The following PLD5 variants were observed in gnomAD, a reference collection of about 807,000 sequenced individuals.
The protein encoded by PLD5 is inactive phospholipase D5.
Under a neutral mutation model 61.1 loss-of-function variants are expected in PLD5, and 36 were observed. That is an observed-to-expected ratio of 0.59 (90% confidence interval 0.45 to 0.78). The LOEUF is 0.78. Among genes scored for constraint, PLD5 ranks in the 30% least tolerant of loss-of-function variants. The pLI is 0.00. For synonymous variants in PLD5, 243 were observed against 242.8 expected, an observed-to-expected ratio of 1.00 and a Z score of -0.01; for missense variants, 515 against 644.4, an observed-to-expected ratio of 0.80 and a Z score of 2.17.
At chr1:242,103,584 A>AG (rs1274461070) in intron 8 of PLD5, among the ~76,000 whole-genome samples, 1 of 152,166 alleles carries the variant, frequency 6.6e-6, no homozygotes, top group Non-Finnish European at 1.5e-5. Flanking sequence ...GTCTGTGAAA[A>AG]GGTATTGAAC....
chr1:242,176,184 T>A (rs897471327), intron 5 of PLD5, among the ~76,000 whole-genome samples: 2 of 152,260 alleles, frequency 1.3e-5, no homozygotes, highest in African/African-American at 4.8e-5. Context: ...GACTTCAAAC[T>A]ATACTACAAA....
intron 5 of PLD5, among the ~76,000 whole-genome samples, chr1:242,168,846 G>GTTTTTTTTTTTTTGTTTTTT (rs1666521001): frequency 9.0e-6 from 1 of 111,266 alleles, no homozygotes; most frequent in African/African-American, 3.7e-5. Flanking sequence ...AATTAATGAA[G>GTTTTTTTTTTTTTGTTTTTT]TTTTTTTTTT....
intron 1 of PLD5, among the ~76,000 whole-genome samples, chr1:242,474,188 C>T (rs932657105): frequency 7.9e-5 from 12 of 152,248 alleles, no homozygotes; most frequent in Middle Eastern, 3.4e-3. Context: ...ATGGCAAAAC[C>T]GCAATTACTT....
intron 2 of PLD5, among the ~76,000 whole-genome samples, chr1:242,338,489 A>T (rs2149210196): frequency 6.6e-6 from 1 of 152,130 alleles, no homozygotes; most frequent in South Asian, 2.1e-4. Flanking sequence ...CATTCAAATT[A>T]TCTCTTTGGA....
rs974861362 is a variant in PLD5, at chr1:242,099,449, C to A, written c.1354+1219G>T. 2.0e-5 allele frequency among the ~76,000 whole-genome samples: 3 copies of A among 152,258 alleles called. No homozygotes were observed. In the South Asian group the frequency reaches 6.2e-4, roughly 32 times the overall value. ...GCCAGATATATATCTTTAAAATATT[C>A]CAATACTCTCTTCTAATGTGATATT... is the stretch of plus-strand genomic sequence containing the variant. On this transcript the variant is annotated intron_variant, in intron 9 of 9. Transcript: ENST00000536534.
chr1:242,229,537 C>G (rs1458555773), intron 4 of PLD5, among the ~76,000 whole-genome samples: 1 of 152,020 alleles, frequency 6.6e-6, no homozygotes, highest in Non-Finnish European at 1.5e-5. Flanking sequence ...ATCTATAGAT[C>G]AATTTGGGAA....
chr1:242,130,952 G>T (rs1343712009), intron 5 of PLD5, among the ~76,000 whole-genome samples: 1 of 152,014 alleles, frequency 6.6e-6, no homozygotes, highest in African/African-American at 2.4e-5. Context: ...GCTTAATTAA[G>T]GTCTCAACAA....
intron 2 of PLD5, among the ~76,000 whole-genome samples, chr1:242,297,744 A>G (rs1280243687): frequency 6.8e-6 from 1 of 146,162 alleles, no homozygotes; most frequent in Non-Finnish European, 1.5e-5. Context: ...GGTTCACGCC[A>G]TTCTCCTGCC....
At chr1:242,116,163 T>G (rs982715607) in intron 6 of PLD5, among the ~76,000 whole-genome samples, 1 of 152,080 alleles carries the variant, frequency 6.6e-6, no homozygotes, top group Non-Finnish European at 1.5e-5. Context: ...AATGGTAGTA[T>G]TGGGCGGTCA....
upstream of PLD5, among the ~76,000 whole-genome samples, chr1:242,527,822 A>G (rs1204365134): frequency 6.6e-6 from 1 of 152,210 alleles, no homozygotes; most frequent in Admixed American, 6.5e-5. Context: ...AGAATTTTGC[A>G]CCAAAAATAT....
intron 5 of PLD5, among the ~76,000 whole-genome samples, chr1:242,129,293 G>A (rs528547926): frequency 1.3e-5 from 2 of 152,296 alleles, no homozygotes; most frequent in South Asian, 2.1e-4. Flanking sequence ...TTAGGACCTG[G>A]AGTCAAGGCA....
At chr1:242,460,418 G>C (rs571153436) in intron 1 of PLD5, among the ~76,000 whole-genome samples, 2 of 152,214 alleles carry the variant, frequency 1.3e-5, no homozygotes, top group Admixed American at 1.3e-4. Flanking sequence ...GTTGCATTGC[G>C]GGCTGCTGGC....
rs552728503 is a variant in PLD5 at position 242,333,423 on chromosome 1, G to A, written c.326+14683C>T. 5.3e-5 allele frequency among the ~76,000 whole-genome samples: 8 copies of A among 152,008 alleles called. 1 individual carries two copies. The highest frequency in any genetic ancestry group is 8.8e-5 in the Non-Finnish European group (6 of 67,994). On this transcript the variant is annotated intron_variant, in intron 2 of 9. Coordinates refer to ENST00000536534, the MANE Select transcript of PLD5 (RefSeq NM_001372062.1). ...AGTTTCAACAGTCAGCAATGCATTC[G>A]CTGGAAAGGTCTCTGTCTTCTGGGC...
At chr1:242,264,803 T>G (rs1457648505) in intron 4 of PLD5, among the ~76,000 whole-genome samples, 3 of 152,174 alleles carry the variant, frequency 2.0e-5, no homozygotes, top group East Asian at 1.9e-4. Context: ...TAAAAAAAAG[T>G]TATTTTGGAA....
chr1:242,194,647 T>G (rs1483408629), intron 5 of PLD5, among the ~76,000 whole-genome samples: 1 of 130,190 alleles, frequency 7.7e-6, no homozygotes, highest in Non-Finnish European at 1.6e-5. Context: ...TCTATCTATC[T>G]ATCTATCTAT....
At chr1:242,296,913 A>G (rs1257379063) in intron 2 of PLD5, among the ~76,000 whole-genome samples, 1 of 152,152 alleles carries the variant, frequency 6.6e-6, no homozygotes, top group Admixed American at 6.5e-5. Flanking sequence ...TGTTGTAGAG[A>G]TGAAATCTCA....
intron 5 of PLD5, among the ~76,000 whole-genome samples, chr1:242,214,227 A>T (rs1037493846): frequency 3.3e-5 from 5 of 152,206 alleles, no homozygotes; most frequent in Non-Finnish European, 7.3e-5. Context: ...AGTTTGGTGG[A>T]GACCACATAA....
At chr1:242,258,860 A>G (rs1558405425) in intron 4 of PLD5, among the ~76,000 whole-genome samples, 1 of 152,136 alleles carries the variant, frequency 6.6e-6, no homozygotes, top group Non-Finnish European at 1.5e-5. Context: ...CTGTTGCAAA[A>G]AGTGATTCAG....
intron 3 of PLD5, among the ~76,000 whole-genome samples, chr1:242,285,925 TG>T (rs1240120852): frequency 6.6e-6 from 1 of 152,006 alleles, no homozygotes; most frequent in African/African-American, 2.4e-5. Context: ...CTGGCCAGCA[TG>T]GTGAAACCTC....
Sources: allele counts gnomAD v4.1 joint callset (sites outside exome capture counted in the v4.1 genomes callset), GRCh38; gene constraint gnomAD v4.1.1; transcripts MANE v1.5; gene names NCBI Gene and HGNC (gene_info 2026-07-23, HGNC 2026-07-21).